The following DYSF variants were observed in gnomAD, a reference collection of about 807,000 sequenced individuals.
DYSF encodes dysferlin.
In DYSF, 212 loss-of-function variants were observed where a neutral mutation model predicts 274.9. The ratio of observed to expected loss-of-function variants is 0.77; its 90% CI spans 0.69 to 0.86. The LOEUF (loss-of-function observed/expected upper bound fraction) is 0.86. Ranked by LOEUF, DYSF falls within the 40% of genes least tolerant of loss-of-function variation. The pLI, the probability that DYSF is intolerant of heterozygous loss-of-function variation, is 0.00. For missense variants in DYSF, 2,666 were observed against 2,783.2 expected, an observed-to-expected ratio of 0.96 and a Z score of 0.95; for synonymous variants, 1,091 against 1,078.7, an observed-to-expected ratio of 1.01 and a Z score of -0.22.
chr2:71,520,048 A>C lies in DYSF; in HGVS notation c.1003-130A>C, dbSNP rs551672596. 1.1e-4 allele frequency: 115 copies of C among 1,023,406 alleles called. 1 individual carries two copies. The East Asian group carries it at 2.7e-3, about 24-fold the overall frequency. The allele number at this position is 1,023,406 out of a possible 1,614,324, so 63.4% of individuals were successfully genotyped here. A position where few individuals can be genotyped will look rare whatever the true frequency, so the allele number is the denominator to read the frequency against. Reference sequence around the variant, plus strand: ...TTCATTTTCTTTTCATGTAGTATCAAATGTTGACTGCCTGTGTTTCCAAAT... The same window carrying C: ...TTCATTTTCTTTTCATGTAGTATCACATGTTGACTGCCTGTGTTTCCAAAT... On this transcript the variant is annotated intron_variant, in intron 10 of 55. Transcript: ENST00000410020.
intron 1 of DYSF, among the ~76,000 whole-genome samples, chr2:71,470,595 A>G (rs1030836170): frequency 6.9e-6 from 1 of 144,670 alleles, no homozygotes; most frequent in Non-Finnish European, 1.5e-5. Context: ...AATGGCATGA[A>G]CCCAGGAGAC....
intron 41 of DYSF, among the ~76,000 whole-genome samples, chr2:71,642,555 C>T (rs1434840067): frequency 6.6e-6 from 1 of 152,178 alleles, no homozygotes; most frequent in Non-Finnish European, 1.5e-5. Context: ...CTGTACGCTA[C>T]CCCACCTGAC....
chr2:71,591,080 C>T (rs1469456629), intron 32 of DYSF, among the ~76,000 whole-genome samples: 1 of 152,252 alleles, frequency 6.6e-6, no homozygotes, highest in African/African-American at 2.4e-5. Flanking sequence ...CTGTGGTCCT[C>T]ACCTGGTTCA....
chr2:71,569,472 T>C (rs2152813339), intron 26 of DYSF, among the ~76,000 whole-genome samples: 1 of 152,378 alleles, frequency 6.6e-6, no homozygotes, highest in Non-Finnish European at 1.5e-5. Flanking sequence ...TAACATATTA[T>C]ACAGTCAAGC....
chr2:71,665,617 G>T (rs963177254), intron 47 of DYSF, among the ~76,000 whole-genome samples: 5 of 152,188 alleles, frequency 3.3e-5, no homozygotes, highest in Non-Finnish European at 7.3e-5. Context: ...TCAGAGTTAG[G>T]CTCAGTCTCT....
intron 30 of DYSF, among the ~76,000 whole-genome samples, chr2:71,579,966 G>A (rs10176282): frequency 0.56 from 84,417 of 152,096 alleles, 23,593 homozygotes; most frequent in East Asian, 0.75. Flanking sequence ...AGCACAGCAC[G>A]AGTCAGTGCT....
At chr2:71,630,530 T>A (rs1266603217) in intron 41 of DYSF, among the ~76,000 whole-genome samples, 3 of 152,232 alleles carry the variant, frequency 2.0e-5, no homozygotes, top group African/African-American at 7.2e-5. Flanking sequence ...TTCAGACACC[T>A]GTTGGGTCAA....
intron 24 of DYSF, among the ~76,000 whole-genome samples, chr2:71,566,778 G>A (rs960233529): frequency 1.3e-5 from 2 of 152,216 alleles, no homozygotes; most frequent in East Asian, 1.9e-4. Context: ...GGCATGACAC[G>A]TGGACTCAGG....
intron 36 of DYSF, 123 bp downstream of exon 36, chr2:71,602,928 A>G: frequency 8.4e-7 from 1 of 1,195,202 alleles, no homozygotes; most frequent in Non-Finnish European, 1.2e-6. Context: ...TCACATGGAG[A>G]CCTGTCTGGA....
At chr2:71,618,388 GGT>G (rs1168130881) in intron 40 of DYSF, among the ~76,000 whole-genome samples, 10 of 5,130 alleles carry the variant, frequency 1.9e-3, no homozygotes, top group East Asian at 5.1e-3. Context: ...TGGTAGAGGT[GGT>G]GTGTGTGTGT....
chr2:71,462,749 G>C (rs2081335775), upstream of DYSF, among the ~76,000 whole-genome samples: 1 of 152,218 alleles, frequency 6.6e-6, no homozygotes, highest in Admixed American at 6.5e-5. Flanking sequence ...ACATAGGGTA[G>C]CTCGTCACCG....
chr2:71,551,544 C>A, intron 18 of DYSF, 63 bp from the exon 19 acceptor site: 1 of 1,404,756 alleles, frequency 7.1e-7, no homozygotes, highest in Non-Finnish European at 9.9e-7. Context: ...CCAGAGGGTG[C>A]CCCTTTCCTT....
intron 41 of DYSF, among the ~76,000 whole-genome samples, chr2:71,634,678 A>G (rs560250453): frequency 1.6e-4 from 25 of 152,326 alleles, no homozygotes; most frequent in African/African-American, 4.1e-4. Flanking sequence ...GTAATCATCA[A>G]CATTTTAGGT....
At chr2:71,660,492 G>A in intron 44 of DYSF, 68 bp from the exon 45 acceptor site, 1 of 1,346,630 alleles carries the variant, frequency 7.4e-7, no homozygotes, top group Non-Finnish European at 1.1e-6. Flanking sequence ...CAGAGGCAAG[G>A]CACTCATGAA....
intron 23 of DYSF, among the ~76,000 whole-genome samples, chr2:71,562,773 C>T (rs2091855785): frequency 6.6e-6 from 1 of 152,112 alleles, no homozygotes; most frequent in Admixed American, 6.5e-5. Context: ...TCCCTGGAGT[C>T]AGCAGGGCCT....
At chr2:71,613,304 C>G (rs1377958469) in intron 39 of DYSF, 30 bp from the exon 40 acceptor site, 2 of 1,598,344 alleles carry the variant, frequency 1.3e-6, no homozygotes. Context: ...GAGAGCCCCT[C>G]TCAGGCCTGG....
chr2:71,672,269 G>T (rs1162579876), intron 51 of DYSF, among the ~76,000 whole-genome samples: 1 of 152,174 alleles, frequency 6.6e-6, no homozygotes, highest in African/African-American at 2.4e-5. Context: ...GGCAGGCAGA[G>T]CAGTGGCCAC....
intron 26 of DYSF, 74 bp from the exon 27 acceptor site, chr2:71,569,746 T>C: frequency 1.5e-6 from 2 of 1,305,578 alleles, no homozygotes; most frequent in Non-Finnish European, 2.2e-6. Flanking sequence ...GCAGGGGTGC[T>C]CTCCAGGAGG....
At chr2:71,638,341 T>G (rs1044471849) in intron 41 of DYSF, among the ~76,000 whole-genome samples, 4 of 145,336 alleles carry the variant, frequency 2.8e-5, no homozygotes, top group Admixed American at 1.4e-4. Flanking sequence ...GGAATCCATT[T>G]TAGAATATCC....
Sources: allele counts gnomAD v4.1 joint callset (sites outside exome capture counted in the v4.1 genomes callset), GRCh38; gene constraint gnomAD v4.1.1; transcripts MANE v1.5; gene names NCBI Gene and HGNC (gene_info 2026-07-23, HGNC 2026-07-21).